The following CNNM1 variants were observed in gnomAD, a reference collection of about 807,000 sequenced individuals.
The protein encoded by CNNM1 is cyclin and CBS domain divalent metal cation transport mediator 1.
Under a neutral mutation model 78.8 loss-of-function variants are expected in CNNM1, and 44 were observed. That is an observed-to-expected ratio of 0.56 (90% CI 0.44 to 0.72). The LOEUF (loss-of-function observed/expected upper bound fraction) is 0.72. Among genes scored for constraint, CNNM1 ranks in the 30% least tolerant of loss-of-function variants. The pLI is 0.00. For missense variants in CNNM1, 1,101 were observed against 1,292.2 expected (o/e 0.85, Z 2.27); for synonymous variants, 584 against 581.5 (o/e 1.00, Z -0.06).
intron 1 of CNNM1, among the ~76,000 whole-genome samples, chr10:99,349,645 A>G (rs1326780445): frequency 6.6e-6 from 1 of 152,212 alleles, no homozygotes; most frequent in Non-Finnish European, 1.5e-5. Flanking sequence ...TGAGTAGCAC[A>G]TGTCAAGAGC....
intron 6 of CNNM1, among the ~76,000 whole-genome samples, chr10:99,373,332 C>T (rs1352788087): frequency 6.6e-6 from 1 of 152,190 alleles, no homozygotes; most frequent in Non-Finnish European, 1.5e-5. Context: ...GCCCTGCTCA[C>T]ACTCTCTTCC....
rs2032370493 is a variant in CNNM1, at chr10:99,388,287, T to C, written c.2660T>C (p.Val887Ala). 2 of 1,613,484 alleles carry C rather than the reference T, an allele frequency of 1.2e-6. No individual in the cohort carries two copies. Among genetic ancestry groups the C allele is most frequent in the Non-Finnish European group, 1.7e-6 (2 of 1,179,784 alleles). Residue 887 changes from valine to alanine, a missense_variant, in exon 9 of 11, where the codon GTT (valine) becomes GCT (alanine). Val to Ala is a moderately conservative substitution (Grantham distance 64, BLOSUM62 0). This residue lies in a region of CNNM1 where 348 missense variants were observed against 384.5 expected (regional missense o/e 0.90). Transcript: ENST00000356713. The part of the protein sequence containing the change: ...TQQLTLSPAA[V>A]PTRAASDSEC... ...CAGCTCACGCTGTCTCCTGCAGCCGTTCCCACGAGAGCAGGTCAGGGAGGC... is the reference window on the plus strand; with the variant it reads ...CAGCTCACGCTGTCTCCTGCAGCCGCTCCCACGAGAGCAGGTCAGGGAGGC...
intron 6 of CNNM1, among the ~76,000 whole-genome samples, chr10:99,369,997 G>A (rs1035769058): frequency 6.6e-6 from 1 of 152,164 alleles, no homozygotes; most frequent in African/African-American, 2.4e-5. Context: ...AGATCAAAGC[G>A]AGGATGTGTT....
chr10:99,329,867 C>T lies in CNNM1; in HGVS notation c.480C>T (p.Val160=), dbSNP rs1190043560. Residue 160 remains valine, a synonymous_variant, in exon 1 of 11, where the codon GTC becomes GTT. Coordinates refer to ENST00000356713, the MANE Select transcript of CNNM1 (RefSeq NM_020348.3). ...RPGGVAGSAL[V]QVRVRELRKG... is the part of the protein sequence containing the mutation. ...GGGGCGTGGCAGGCTCGGCCCTGGT[C>T]CAGGTGCGAGTGCGGGAGCTGCGCA... The T allele has an allele frequency of 3.6e-6, 5 of 1,401,276 alleles. No individual in the cohort carries two copies. The highest frequency in any genetic ancestry group is 4.6e-6 in the Non-Finnish European group (5 of 1,085,490). The allele number at this position is 1,401,276 out of a possible 1,614,324, so 86.8% of individuals were successfully genotyped here.
At chr10:99,378,442 C>T (rs1316440979) in intron 7 of CNNM1, among the ~76,000 whole-genome samples, 2 of 152,282 alleles carry the variant, frequency 1.3e-5, no homozygotes, top group East Asian at 3.9e-4. Context: ...TCCTTCTTTC[C>T]AGAACGCACG....
rs1274750841 is a variant in CNNM1 at position 99,381,772 on chromosome 10, A to C, written c.2340+4554A>C. 5.3e-5 allele frequency among the ~76,000 whole-genome samples: 8 copies of C among 151,848 alleles called. No homozygotes were observed. In the East Asian group the frequency reaches 1.3e-3, roughly 26 times the overall value. On this transcript the variant is annotated intron_variant, in intron 7 of 10. Coordinates refer to ENST00000356713, the MANE Select transcript of CNNM1 (RefSeq NM_020348.3). ...AAAAAAAACCAAAAAACAAAAAAAA[A>C]ACTTTGATTAAAATGGGTAGTTCTC...
intron 1 of CNNM1, among the ~76,000 whole-genome samples, chr10:99,332,993 C>T (rs1281097313): frequency 6.6e-6 from 1 of 152,122 alleles, no homozygotes; most frequent in Non-Finnish European, 1.5e-5. Context: ...AATTTATTTC[C>T]TCAAAGATCT....
intron 6 of CNNM1, among the ~76,000 whole-genome samples, chr10:99,374,140 T>G (rs1258120415): frequency 6.6e-6 from 1 of 152,242 alleles, no homozygotes; most frequent in Non-Finnish European, 1.5e-5. Context: ...CTCATCAGTT[T>G]GTTTTCAAGG....
rs1564933847 is a variant in CNNM1, at chr10:99,329,862, C to T, written c.475C>T (p.Leu159=). 3 of 1,410,080 alleles carry T rather than the reference C, an allele frequency of 2.1e-6. No homozygotes were observed. The highest frequency in any genetic ancestry group is 2.8e-6 in the Non-Finnish European group (3 of 1,089,434). The allele number at this position is 1,410,080 out of a possible 1,614,324, so 87.3% of individuals were successfully genotyped here. A position where few individuals can be genotyped will look rare whatever the true frequency, so the allele number is the denominator to read the frequency against. Residue 159 remains leucine (L), a synonymous_variant, in exon 1 of 11, where the codon CTG becomes TTG. Coordinates refer to ENST00000356713, the MANE Select transcript of CNNM1 (RefSeq NM_020348.3). ...LRPGGVAGSA[L]VQVRVRELRK... ...TCCCGGGGGCGTGGCAGGCTCGGCC[C>T]TGGTCCAGGTGCGAGTGCGGGAGCT...
Position 99,330,650 on chromosome 10 carries a change from C to T in CNNM1, c.1263C>T (p.Ala421=), listed in dbSNP as rs1282166923. ...AGGAGCTCAACATCATACAGGGTGC[C>T]CTGGAGCTGCGCACCAAAGTTGTGG... ...VKEELNIIQG[A]LELRTKVVEE... Residue 421 remains alanine (A), a synonymous_variant, in exon 1 of 11, where the codon GCC becomes GCT. Coordinates refer to ENST00000356713, the MANE Select transcript of CNNM1 (RefSeq NM_020348.3). The T allele has an allele frequency of 1.9e-6, 3 of 1,613,972 alleles. No homozygotes were observed. The highest frequency in any genetic ancestry group is 2.2e-5 in the East Asian group (1 of 44,870).
At chr10:99,343,037 C>T (rs2030524347) in intron 1 of CNNM1, among the ~76,000 whole-genome samples, 1 of 151,970 alleles carries the variant, frequency 6.6e-6, no homozygotes, top group African/African-American at 2.4e-5. Context: ...ACAATCTCGG[C>T]TCACTGCAAC....
chr10:99,330,884 C>T lies in CNNM1; in HGVS notation c.1497C>T (p.Thr499=). ...PDDCTPLLTV[T]RFYNRPLHCV... is the part of the protein sequence containing the mutation. ...ACTGCACCCCGCTCCTCACTGTCACCCGCTTCTACAACCGGCCCCTGCATT... is the reference window on the plus strand; with the variant it reads ...ACTGCACCCCGCTCCTCACTGTCACTCGCTTCTACAACCGGCCCCTGCATT... Residue 499 remains threonine (T), a synonymous_variant, in exon 1 of 11, where the codon ACC becomes ACT. Coordinates refer to ENST00000356713, the MANE Select transcript of CNNM1 (RefSeq NM_020348.3). 1 of 1,614,146 alleles carries T rather than the reference C, an allele frequency of 6.2e-7. No individual in the cohort carries two copies. Among genetic ancestry groups the T allele is most frequent in the Non-Finnish European group, 8.5e-7 (1 of 1,180,024 alleles).
In CNNM1 at chr10:99,330,457, A is replaced by G. The variant is rs1341290904; in HGVS notation, c.1070A>G (p.His357Arg). 3 of 1,589,424 alleles carry G rather than the reference A, an allele frequency of 1.9e-6. No individual in the cohort carries two copies. The highest frequency in any genetic ancestry group is 1.1e-5 in the South Asian group (1 of 87,484). ...CGGCACGGGCTGGCCATCGCCTCGC[A>G]CAGCGTGTGCCTGACCCGGCTTCTG... ...CSRHGLAIASHSVCLTRLLMA... is the reference protein window; with the variant it reads ...CSRHGLAIASRSVCLTRLLMA... The change falls in exon 1 of 11, where the codon CAC (histidine) becomes CGC (arginine). Residue 357 changes from histidine (H) to arginine (R), a missense_variant. His to Arg is a conservative substitution (Grantham distance 29). Coordinates refer to ENST00000356713, the MANE Select transcript of CNNM1 (RefSeq NM_020348.3).
intron 7 of CNNM1, among the ~76,000 whole-genome samples, chr10:99,384,556 T>G (rs1014640049): frequency 3.3e-5 from 5 of 151,736 alleles, no homozygotes; most frequent in Non-Finnish European, 2.9e-5. Context: ...GAATCTTCTC[T>G]TTAGCATCAC....
rs1278225746 is a variant in CNNM1 at position 99,391,543 on chromosome 10, G to A, written c.*27G>A. On this transcript the variant is annotated 3_prime_UTR_variant, in exon 11 of 11. Transcript: ENST00000356713. ...AGGGCAAAGCCAGCATTCACTGGGT[G>A]TGTGAAATTCCAGAGCTTTGGGGGA... The A allele has an allele frequency of 8.8e-6, 14 of 1,597,880 alleles. No individual in the cohort carries two copies. Among genetic ancestry groups the A allele is most frequent in the African/African-American group, 1.3e-5 (1 of 74,508 alleles).
At chr10:99,377,295 C>G in intron 7 of CNNM1, 77 bp downstream of exon 7, 2 of 1,396,464 alleles carry the variant, frequency 1.4e-6, no homozygotes, top group Non-Finnish European at 2.0e-6. Context: ...GAAGACTACC[C>G]CCATTCCTAG....
intron 6 of CNNM1, 125 bp downstream of exon 6, chr10:99,365,127 G>A (rs1435065478): frequency 3.3e-6 from 3 of 921,580 alleles, no homozygotes; most frequent in Admixed American, 3.9e-5. Context: ...CAGCCCCTTT[G>A]TAATGTTCTG....
chr10:99,330,083 G>T lies in CNNM1; in HGVS notation c.696G>T (p.Leu232=), dbSNP rs750322389. The T allele has an allele frequency of 6.5e-7, 1 of 1,536,940 alleles. No homozygotes were observed. The highest frequency in any genetic ancestry group is 1.2e-5 in the South Asian group (1 of 84,224). ...TGCGGGCGCTCGGGGCGCTCCTGCT[G>T]CTAGCCTTGTCGGCCCTGTTCAGCG... ...AWLRALGALL[L]LALSALFSGL... is the part of the protein sequence containing the mutation. Residue 232 remains leucine (L), a synonymous_variant, in exon 1 of 11, where the codon CTG becomes CTT. Coordinates refer to ENST00000356713, the MANE Select transcript of CNNM1 (RefSeq NM_020348.3).
intron 1 of CNNM1, among the ~76,000 whole-genome samples, chr10:99,347,451 C>T (rs749035467): frequency 5.9e-5 from 9 of 151,924 alleles, no homozygotes; most frequent in African/African-American, 1.7e-4. Context: ...ACCCGGGAGG[C>T]GGAGGTTGCA....
Sources: gnomAD v4.1 joint callset for allele counts (sites outside exome capture counted in the v4.1 genomes callset) on GRCh38, gnomAD v4.1.1 for gene constraint, gnomAD v4.1.1 regional missense constraint, MANE v1.5 for transcripts, NCBI Gene and HGNC (gene_info 2026-07-23, HGNC 2026-07-21) for gene names.